CACNG5: variants seen among roughly 807,000 people sequenced by gnomAD.
CACNG5 encodes voltage-dependent calcium channel gamma-5 subunit.
Under a neutral mutation model 24.8 loss-of-function variants are expected in CACNG5, and 18 were observed. The ratio of observed to expected loss-of-function variants is 0.73; its 90% confidence interval spans 0.50 to 1.08. The LOEUF (loss-of-function observed/expected upper bound fraction) is 1.08. Ranked by LOEUF, CACNG5 falls within the 50% of genes least tolerant of loss-of-function variation. The probability of loss-of-function intolerance (pLI) is 0.00; values close to 1 mark genes in which losing one functional copy is unlikely to be tolerated. For synonymous variants in CACNG5, 157 were observed against 149.1 expected (o/e 1.05, Z -0.39); for missense variants, 349 against 367.9 (o/e 0.95, Z 0.42).
At chr17:66,884,093 T>TTGCCCTC (rs2143129919) in intron 4 of CACNG5, among the ~76,000 whole-genome samples, 1 of 150,576 alleles carries the variant, frequency 6.6e-6, no homozygotes, top group African/African-American at 2.4e-5. Flanking sequence ...GATCGCGCCA[T>TTGCCCTC]TGCCCTCCAG....
At chr17:66,852,869 CTCTCTTTCTCTCTCTTTT>C (rs1291273314) in intron 1 of CACNG5, among the ~76,000 whole-genome samples, 1 of 147,542 alleles carries the variant, frequency 6.8e-6, no homozygotes, top group Non-Finnish European at 1.5e-5. Flanking sequence ...CTTCCTTCCT[CTCTCTTTCTCTCTCTTTT>C]TCTCTTTCTC....
At chr17:66,870,653 G>A (rs1422370952) in intron 1 of CACNG5, among the ~76,000 whole-genome samples, 1 of 152,164 alleles carries the variant, frequency 6.6e-6, no homozygotes, top group African/African-American at 2.4e-5. Context: ...AAACCAGGTG[G>A]AACCTACATC....
At chr17:66,878,823 C>A in intron 2 of CACNG5, 149 bp from the exon 3 acceptor site, 1 of 618,162 alleles carries the variant, frequency 1.6e-6, no homozygotes, top group Non-Finnish European at 2.8e-6. Context: ...GAGCCAGGGA[C>A]AGGACCCCCA....
chr17:66,885,534 A>C lies in CACNG5; in HGVS notation c.*294A>C. ...TCCAGGAAGCCAGCAGCTCCCCCCAAGCCCAGGAGACACCGATGTTCCCTT... is the reference window on the plus strand; with the variant it reads ...TCCAGGAAGCCAGCAGCTCCCCCCACGCCCAGGAGACACCGATGTTCCCTT... On this transcript the variant is annotated 3_prime_UTR_variant, in exon 6 of 6. Coordinates refer to ENST00000533854, the MANE Select transcript of CACNG5 (RefSeq NM_145811.3). The C allele has an allele frequency of 2.5e-6, 1 of 404,738 alleles. No homozygotes were observed. 25.1% of individuals were successfully genotyped at this position (404,738 alleles called of 1,614,324 possible).
At chr17:66,883,134 G>A (rs530005296) in intron 4 of CACNG5, among the ~76,000 whole-genome samples, 1 of 152,282 alleles carries the variant, frequency 6.6e-6, no homozygotes, top group East Asian at 1.9e-4. Flanking sequence ...TGAGCACCAG[G>A]AATGTTATCA....
intron 1 of CACNG5, among the ~76,000 whole-genome samples, chr17:66,869,012 C>A (rs1248981205): frequency 6.6e-6 from 1 of 152,150 alleles, no homozygotes; most frequent in East Asian, 1.9e-4. Context: ...TTTTCAGGGG[C>A]AAATTTACCT....
chr17:66,885,496 T>C lies in CACNG5; in HGVS notation c.*256T>C. 2 of 477,724 alleles carry C rather than the reference T, an allele frequency of 4.2e-6. No homozygotes were observed. The highest frequency in any genetic ancestry group is 7.3e-6 in the Non-Finnish European group (2 of 272,400). The allele number at this position is 477,724 out of a possible 1,614,324, so 29.6% of individuals were successfully genotyped here. On this transcript the variant is annotated 3_prime_UTR_variant, in exon 6 of 6. Transcript: ENST00000533854. The stretch of plus-strand genomic sequence containing the variant: ...GAAGCCCCGCCCATGTGAGTGCCAA[T>C]CACAGCAGTGGCTCCAGGAAGCCAG...
At chr17:66,850,368 C>T (rs1402215939) in intron 1 of CACNG5, among the ~76,000 whole-genome samples, 1 of 152,090 alleles carries the variant, frequency 6.6e-6, no homozygotes, top group African/African-American at 2.4e-5. Flanking sequence ...ATATGGGACA[C>T]AGTTAAATAA....
chr17:66,893,423 A>G lies in CACNG5; in HGVS notation c.*8183A>G, dbSNP rs1421185828. Among the ~76,000 whole-genome samples the G allele has an allele frequency of 6.6e-6, 1 of 152,164 alleles. No homozygotes were observed. The highest frequency in any genetic ancestry group is 1.5e-5 in the Non-Finnish European group (1 of 68,016). On this transcript the variant is annotated 3_prime_UTR_variant, in exon 6 of 6. Transcript: ENST00000533854. The stretch of plus-strand genomic sequence containing the variant: ...GGAAATGGCTCCAGGAAAACTCTGG[A>G]TTTTCCTAACTGTGGTCAGCCCGTG...
intron 1 of CACNG5, among the ~76,000 whole-genome samples, chr17:66,866,365 G>C (rs994418988): frequency 2.0e-5 from 3 of 152,128 alleles, no homozygotes; most frequent in African/African-American, 7.2e-5. Flanking sequence ...GAACTCCTGG[G>C]CTCAGGTGAT....
chr17:66,884,140 G>GAAAAAAAAAAAA (rs67618988), intron 4 of CACNG5, among the ~76,000 whole-genome samples: 1 of 104,096 alleles, frequency 9.6e-6, no homozygotes, highest in Admixed American at 1.0e-4. Flanking sequence ...CTCAAAAAAA[G>GAAAAAAAAAAAA]AAAAAAAAAA....
rs1486208709 is a variant in CACNG5, at chr17:66,894,278, T to C, written c.*9038T>C. Among the ~76,000 whole-genome samples, 1 of 152,156 alleles carries C rather than the reference T, an allele frequency of 6.6e-6. No individual in the cohort carries two copies. Reference sequence around the variant, plus strand: ...CCCTTGGGAGGATCCTGCACATCCTTCCTCAGTGGATCCTTAGAAACTCAA... The same window carrying C: ...CCCTTGGGAGGATCCTGCACATCCTCCCTCAGTGGATCCTTAGAAACTCAA... On this transcript the variant is annotated 3_prime_UTR_variant, in exon 6 of 6. Transcript: ENST00000533854.
chr17:66,862,513 T>C (rs1229022949), intron 1 of CACNG5, among the ~76,000 whole-genome samples: 1 of 152,060 alleles, frequency 6.6e-6, no homozygotes, highest in Non-Finnish European at 1.5e-5. Context: ...ATATAATATA[T>C]AAAATGCTTA....
Position 66,894,220 on chromosome 17 carries a change from C to A in CACNG5, c.*8980C>A, listed in dbSNP as rs1386626408. ...TGTCCCCATGCGTTGACTGCTCTCC[C>A]CGACCTCCAAGGACTCCTTTCAATC... On this transcript the variant is annotated 3_prime_UTR_variant, in exon 6 of 6. Transcript: ENST00000533854. 1.3e-5 allele frequency among the ~76,000 whole-genome samples: 2 copies of A among 152,144 alleles called. No individual in the cohort carries two copies. Among genetic ancestry groups the A allele is most frequent in the Non-Finnish European group, 2.9e-5 (2 of 68,028 alleles).
Position 66,857,866 on chromosome 17 carries a change from C to T in CACNG5, c.-103-19364C>T, listed in dbSNP as rs77646981. ...GGTCCCAGCCCACTCCATCCCACCC[C>T]CAGAAGGTCACATATAGTTGGTCTC... On this transcript the variant is annotated intron_variant, in intron 1 of 5. Transcript: ENST00000533854. Among the ~76,000 whole-genome samples, 1,108 of 152,264 alleles carry T rather than the reference C, an allele frequency of 7.3e-3. 49 individuals are homozygous for T. The East Asian group carries it at 0.13, about 18-fold the overall frequency.
intron 1 of CACNG5, among the ~76,000 whole-genome samples, chr17:66,866,288 T>G (rs572401658): frequency 9.5e-4 from 144 of 152,170 alleles, no homozygotes; most frequent in Non-Finnish European, 1.4e-3. Flanking sequence ...TTTTTAAAAT[T>G]TTTTTTGGCA....
At chr17:66,880,978 A>G (rs1977151624) in intron 4 of CACNG5, among the ~76,000 whole-genome samples, 1 of 152,168 alleles carries the variant, frequency 6.6e-6, no homozygotes, top group African/African-American at 2.4e-5. Context: ...AGCTCAAGCA[A>G]TCCAACTGCC....
intron 1 of CACNG5, among the ~76,000 whole-genome samples, chr17:66,850,390 T>C (rs551260947): frequency 6.6e-6 from 1 of 152,074 alleles, no homozygotes; most frequent in East Asian, 1.9e-4. Flanking sequence ...GAAACAAAAA[T>C]AGAACATTGC....
chr17:66,865,898 C>G (rs879714929), intron 1 of CACNG5, among the ~76,000 whole-genome samples: 40 of 151,660 alleles, frequency 2.6e-4, no homozygotes, highest in Non-Finnish European at 5.2e-4. Flanking sequence ...ACCTCAGCCT[C>G]CCAAAGTGCT....
Sources: allele counts gnomAD v4.1 joint callset (sites outside exome capture counted in the v4.1 genomes callset), GRCh38; gene constraint gnomAD v4.1.1; transcripts MANE v1.5; gene names NCBI Gene and HGNC (gene_info 2026-07-23, HGNC 2026-07-21).